SNTG2: variants seen among roughly 807,000 people sequenced by gnomAD.
SNTG2 encodes the protein gamma-2-syntrophin.
Under a neutral mutation model 70.9 loss-of-function variants are expected in SNTG2, and 74 were observed. The ratio of observed to expected loss-of-function variants is 1.04; its 90% confidence interval spans 0.86 to 1.27. The LOEUF (loss-of-function observed/expected upper bound fraction) is 1.27, where lower values mean the gene tolerates loss of function less well. Ranked by LOEUF, SNTG2 falls within the 50% of genes most tolerant of loss-of-function variation. SNTG2 has a pLI of 0.00. For missense variants in SNTG2, 717 were observed against 690.7 expected (o/e 1.04, Z -0.43); for synonymous variants, 278 against 273.8 (o/e 1.02, Z -0.15).
At chr2:1,218,518 C>T (rs146905513) in intron 9 of SNTG2, among the ~76,000 whole-genome samples, 280 of 152,276 alleles carry the variant, frequency 1.8e-3, no homozygotes, top group Middle Eastern at 0.01. Flanking sequence ...CACATGGTAC[C>T]GTTGGACAAA....
At chr2:1,113,158 G>A (rs4971459) in intron 4 of SNTG2, among the ~76,000 whole-genome samples, 1 of 105,274 alleles carries the variant, frequency 9.5e-6, no homozygotes, top group South Asian at 3.7e-4. Context: ...GAGGATCGTG[G>A]GTACTAAGTG....
chr2:1,150,675 A>G (rs1169665881), intron 6 of SNTG2, among the ~76,000 whole-genome samples: 1 of 150,642 alleles, frequency 6.6e-6, no homozygotes, highest in Non-Finnish European at 1.5e-5. Flanking sequence ...GGACACAGAG[A>G]GATGGAAGTA....
intron 15 of SNTG2, among the ~76,000 whole-genome samples, chr2:1,311,038 T>C (rs1572961819): frequency 6.6e-6 from 1 of 152,318 alleles, no homozygotes; most frequent in South Asian, 2.1e-4. Context: ...ACCTGGGCAG[T>C]GCTAGAGTAA....
At chr2:1,224,469 T>A (rs1177138187) in intron 9 of SNTG2, among the ~76,000 whole-genome samples, 2 of 152,304 alleles carry the variant, frequency 1.3e-5, no homozygotes, top group Middle Eastern at 3.4e-3. Context: ...CCTCCTCTGC[T>A]GCATGGCCAC....
intron 7 of SNTG2, among the ~76,000 whole-genome samples, chr2:1,168,552 A>G (rs1315513118): frequency 6.6e-6 from 1 of 152,224 alleles, no homozygotes; most frequent in Non-Finnish European, 1.5e-5. Context: ...TCAGCATTTG[A>G]TCAAAAGCAT....
chr2:1,240,523 C>T (rs28738907), intron 11 of SNTG2, among the ~76,000 whole-genome samples: 48,775 of 152,098 alleles, frequency 0.32, 9,331 homozygotes, highest in African/African-American at 0.54. Context: ...TTTCTGGTTA[C>T]ATCTCTTAGG....
intron 9 of SNTG2, among the ~76,000 whole-genome samples, chr2:1,232,012 G>T (rs1676285630): frequency 6.6e-6 from 1 of 152,160 alleles, no homozygotes; most frequent in African/African-American, 2.4e-5. Context: ...CATCCATAGG[G>T]AGGCCTTCAG....
intron 14 of SNTG2, among the ~76,000 whole-genome samples, chr2:1,280,897 T>C (rs553117346): frequency 6.6e-6 from 1 of 152,336 alleles, no homozygotes; most frequent in African/African-American, 2.4e-5. Flanking sequence ...GTTTGCATAT[T>C]CAAACTCAGA....
chr2:991,651 C>T (rs184016371), intron 1 of SNTG2, among the ~76,000 whole-genome samples: 6 of 152,158 alleles, frequency 3.9e-5, no homozygotes, highest in East Asian at 1.9e-4. Flanking sequence ...TGGAAAATGG[C>T]GAAGACAACA....
At chr2:1,201,587 G>A (rs1190299518) in intron 8 of SNTG2, among the ~76,000 whole-genome samples, 4 of 151,656 alleles carry the variant, frequency 2.6e-5, no homozygotes, top group African/African-American at 9.7e-5. Context: ...CATTTGAAAT[G>A]CATATTTCAA....
At chr2:1,319,762 G>A (rs1030633663) in intron 16 of SNTG2, among the ~76,000 whole-genome samples, 3 of 152,314 alleles carry the variant, frequency 2.0e-5, no homozygotes, top group Non-Finnish European at 2.9e-5. Context: ...ATGGGTGACC[G>A]TGGGCATTTT....
At chr2:1,065,461 G>A (rs1218656586) in intron 1 of SNTG2, among the ~76,000 whole-genome samples, 1 of 152,110 alleles carries the variant, frequency 6.6e-6, no homozygotes, top group African/African-American at 2.4e-5. Flanking sequence ...AGAGTGTTTT[G>A]GATGAGGTCA....
chr2:1,213,164 A>G (rs1558538016), intron 9 of SNTG2, among the ~76,000 whole-genome samples: 1 of 152,236 alleles, frequency 6.6e-6, no homozygotes, highest in Non-Finnish European at 1.5e-5. Flanking sequence ...GCATTATGGA[A>G]TAATTAAATC....
At chr2:967,697 G>C (rs1053982510) in intron 1 of SNTG2, among the ~76,000 whole-genome samples, 2 of 152,118 alleles carry the variant, frequency 1.3e-5, no homozygotes, top group African/African-American at 4.8e-5. Flanking sequence ...TGGCGTCAGG[G>C]CATTGGTGTA....
chr2:1,001,385 A>T (rs1169678049), intron 1 of SNTG2, among the ~76,000 whole-genome samples: 1 of 152,116 alleles, frequency 6.6e-6, no homozygotes, highest in Admixed American at 6.5e-5. Flanking sequence ...ACTCTTTCAA[A>T]AGACTCCTAT....
At chr2:1,172,794 A>G (rs1426606070) in intron 7 of SNTG2, among the ~76,000 whole-genome samples, 1 of 152,136 alleles carries the variant, frequency 6.6e-6, no homozygotes, top group Non-Finnish European at 1.5e-5. Flanking sequence ...GGTCATGTTG[A>G]CAGGGAGGGC....
rs1665535645 is a variant in SNTG2 at position 1,098,389 on chromosome 2, A to C, written c.304A>C (p.Lys102Gln). ...GCACAACGTCCCTGTCGTCATATCA[A>C]AAATATTCGAAGACCAAGCAGGTAA... is the stretch of plus-strand genomic sequence containing the variant. Reference protein sequence around the residue: ...SEHNVPVVISKIFEDQAADQT... With the variant: ...SEHNVPVVISQIFEDQAADQT... The change falls in exon 4 of 17, where the codon AAA becomes CAA. Residue 102 changes from lysine to glutamine, a missense_variant. Transcript: ENST00000308624. The C allele has an allele frequency of 6.2e-7, 1 of 1,613,896 alleles. No individual in the cohort carries two copies. Among genetic ancestry groups the C allele is most frequent in the African/African-American group, 1.3e-5 (1 of 74,930 alleles).
intron 4 of SNTG2, chr2:1,102,766 TC>T (rs1422144242): frequency 1.3e-5 from 2 of 152,458 alleles, no homozygotes. Flanking sequence ...CTGAGGTGCT[TC>T]CCCAGAGACT....
chr2:1,253,202 A>G (rs187422366), intron 12 of SNTG2, among the ~76,000 whole-genome samples: 2 of 152,242 alleles, frequency 1.3e-5, no homozygotes, highest in East Asian at 1.9e-4. Flanking sequence ...CGGAGCTCAT[A>G]TAGGATGCTC....
Sources: gnomAD v4.1 joint callset for allele counts (sites outside exome capture counted in the v4.1 genomes callset) on GRCh38, gnomAD v4.1.1 for gene constraint, MANE v1.5 for transcripts, NCBI Gene and HGNC (gene_info 2026-07-23, HGNC 2026-07-21) for gene names.